TBC1D2: variants seen among roughly 807,000 people sequenced by gnomAD.
TBC1D2 encodes TBC1 domain family member 2A.
In TBC1D2, 58 loss-of-function variants were observed where a neutral mutation model predicts 91.1. The observed-to-expected ratio is 0.64, with a 90% CI of 0.52 to 0.79. TBC1D2 has a LOEUF of 0.79. Ranked by LOEUF, TBC1D2 falls within the 30% of genes least tolerant of loss-of-function variation. TBC1D2 has a pLI of 0.00. For missense variants in TBC1D2, 1,080 were observed against 1,208.3 expected, an observed-to-expected ratio of 0.89 and a Z score of 1.57; for synonymous variants, 482 against 511.5, an observed-to-expected ratio of 0.94 and a Z score of 0.78.
At chr9:98,229,200 C>G in intron 4 of TBC1D2, 52 bp from the exon 5 acceptor site, 1 of 1,564,298 alleles carries the variant, frequency 6.4e-7, no homozygotes, top group South Asian at 1.1e-5. Flanking sequence ...CAGCAGTTCT[C>G]AAACCTGAGC....
At chr9:98,233,714 C>A (rs1011006905) in intron 3 of TBC1D2, among the ~76,000 whole-genome samples, 165 bp from the exon 4 acceptor site, 1 of 152,314 alleles carries the variant, frequency 6.6e-6, no homozygotes, top group East Asian at 1.9e-4. Flanking sequence ...CCATGCATGG[C>A]ACTCCCAATC....
chr9:98,237,499 C>T (rs920797001), intron 3 of TBC1D2, among the ~76,000 whole-genome samples: 1 of 151,514 alleles, frequency 6.6e-6, no homozygotes, highest in East Asian at 1.9e-4. Flanking sequence ...AGTGCGTCTT[C>T]AAACTTTTTT....
chr9:98,243,132 G>GTA (rs1468873649), intron 3 of TBC1D2, among the ~76,000 whole-genome samples: 7 of 150,982 alleles, frequency 4.6e-5, no homozygotes, highest in Non-Finnish European at 7.4e-5. Flanking sequence ...CAATAGTAAG[G>GTA]TATATATATA....
chr9:98,201,711 C>T lies in TBC1D2; in HGVS notation c.2272-47G>A, dbSNP rs969058558. 4 of 1,559,266 alleles carry T rather than the reference C, an allele frequency of 2.6e-6. No individual in the cohort carries two copies. The African/African-American group carries it at 4.1e-5, about 16-fold the overall frequency. On this transcript the variant is annotated intron_variant, in intron 10 of 12. Transcript: ENST00000465784. ...TGTCATCTGCAGCCCCAGCGTAGGG[C>T]TGCCTCCCTCCCTGCCCAGCCTTCC...
At chr9:98,201,155 C>T (rs945748566) in intron 11 of TBC1D2, among the ~76,000 whole-genome samples, 2 of 152,070 alleles carry the variant, frequency 1.3e-5, no homozygotes, top group African/African-American at 2.4e-5. Flanking sequence ...ACCTGAGCTC[C>T]GATCTCTTAA....
Position 98,233,473 on chromosome 9 carries a change from G to A in TBC1D2, c.724C>T (p.Gln242Ter). ...TCCTCCCTCTGAGGCTCCCCACTCT[G>A]TGGAGAATCTTCCCCTGGAGGTTCA... ...GHEPPGEDSP[Q>*]SGEPQREEQP... The change falls in exon 4 of 13, where the codon CAG (glutamine) becomes TAG (stop). Residue 242 changes from glutamine (Q) to a stop codon, truncating the protein, a stop_gained. Transcript: ENST00000465784. LOFTEE classifies it high-confidence loss of function. 6.2e-7 allele frequency: 1 copy of A among 1,614,148 alleles called. No homozygotes were observed. The highest frequency in any genetic ancestry group is 8.5e-7 in the Non-Finnish European group (1 of 1,179,974).
rs1829279210 is a variant in TBC1D2 at position 98,228,134 on chromosome 9, G to T, written c.978+818C>A. Among the ~76,000 whole-genome samples the T allele has an allele frequency of 1.3e-5, 2 of 152,294 alleles. No individual in the cohort carries two copies. Among genetic ancestry groups the T allele is most frequent in the South Asian group, 4.1e-4 (2 of 4,822 alleles). ...CTTCCTCTAGAGGAAAAGGAGTCTG[G>T]GCCCTCACTGGAGCCCGCCACTGCC... On this transcript the variant is annotated intron_variant, in intron 5 of 12. Coordinates refer to ENST00000465784, the MANE Select transcript of TBC1D2 (RefSeq NM_001267571.2). This position sits in a 1 kb window ranked among gnomAD's most constrained non-coding sequence, Gnocchi z 4.0.
Position 98,208,835 on chromosome 9 carries a change from G to C in TBC1D2, c.1983C>G (p.Ala661=). ...CYQELLSRGQ[A]REHPAARQIE... is the part of the protein sequence containing the mutation. ...TCTGGCGGGCAGCAGGGTGCTCGCG[G>C]GCCTGGCCCCGGCTCAGCAGTTCCT... Residue 661 remains alanine (A), a synonymous_variant, in exon 9 of 13, where the codon GCC becomes GCG. Coordinates refer to ENST00000465784, the MANE Select transcript of TBC1D2 (RefSeq NM_001267571.2). The C allele has an allele frequency of 6.2e-7, 1 of 1,608,962 alleles. No homozygotes were observed. The highest frequency in any genetic ancestry group is 8.5e-7 in the Non-Finnish European group (1 of 1,175,852).
In TBC1D2 at chr9:98,201,577, G is replaced by A. The variant is rs773526544; in HGVS notation, c.2359C>T (p.Leu787Phe). The A allele has an allele frequency of 1.2e-6, 2 of 1,614,158 alleles. No individual in the cohort carries two copies. The highest frequency in any genetic ancestry group is 1.7e-5 in the Admixed American group (1 of 60,030). ...HLGQHHVDLS[L>F]VTFNWFLVVF... ...ACGAGGAACCAGTTGAAGGTGACGAGGGAGAGATCCACGTGGTGCTGCCCC... is the reference window on the plus strand; with the variant it reads ...ACGAGGAACCAGTTGAAGGTGACGAAGGAGAGATCCACGTGGTGCTGCCCC... Residue 787 changes from leucine (L) to phenylalanine (F), a missense_variant, in exon 11 of 13, where the codon CTC becomes TTC. By Grantham distance (22) the Leu-to-Phe change is conservative. Coordinates refer to ENST00000465784, the MANE Select transcript of TBC1D2 (RefSeq NM_001267571.2).
Position 98,232,597 on chromosome 9 carries a change from C to A in TBC1D2, c.781+819G>T, listed in dbSNP as rs906531420. Among the ~76,000 whole-genome samples, 5 of 152,172 alleles carry A rather than the reference C, an allele frequency of 3.3e-5. No individual in the cohort carries two copies. The South Asian group carries it at 1.0e-3, about 32-fold the overall frequency. On this transcript the variant is annotated intron_variant, in intron 4 of 12. Coordinates refer to ENST00000465784, the MANE Select transcript of TBC1D2 (RefSeq NM_001267571.2). ...CCTCCCAAAGTGCTGGGATTACAAG[C>A]GTGAGCCACCATGCCCAGCCTCTTC...
At chr9:98,243,708 T>A (rs1429501074) in intron 3 of TBC1D2, among the ~76,000 whole-genome samples, 2 of 152,098 alleles carry the variant, frequency 1.3e-5, no homozygotes, top group African/African-American at 4.8e-5. Context: ...GGCTAATTAC[T>A]GTATTTTTAG....
chr9:98,207,795 G>T (rs145794131), intron 9 of TBC1D2, among the ~76,000 whole-genome samples: 1 of 152,214 alleles, frequency 6.6e-6, no homozygotes, highest in Non-Finnish European at 1.5e-5. Flanking sequence ...CAGCAGAGCA[G>T]TACCTTGGTG....
chr9:98,251,980 G>A, intron 1 of TBC1D2, 54 bp from the exon 2 acceptor site: 1 of 1,550,372 alleles, frequency 6.5e-7, no homozygotes, highest in Non-Finnish European at 8.6e-7. Context: ...GGTGGCACTG[G>A]GTGCAGGAAG....
chr9:98,245,089 A>G (rs1224593304), intron 2 of TBC1D2, among the ~76,000 whole-genome samples: 1 of 151,942 alleles, frequency 6.6e-6, no homozygotes, highest in Admixed American at 6.6e-5. Context: ...AAATACAAAA[A>G]ATTAGCCAGG....
intron 7 of TBC1D2, 40 bp downstream of exon 7, chr9:98,213,068 C>T (rs1448902395): frequency 6.2e-7 from 1 of 1,609,560 alleles, no homozygotes; most frequent in Non-Finnish European, 8.5e-7. Context: ...AGCAGAGGGG[C>T]CAGGGATGGA....
At chr9:98,242,422 C>G (rs1409667223) in intron 3 of TBC1D2, among the ~76,000 whole-genome samples, 2 of 136,016 alleles carry the variant, frequency 1.5e-5, no homozygotes, top group African/African-American at 5.6e-5. Context: ...GCCCGGGCAA[C>G]AGTGCAAGAC....
Position 98,199,170 on chromosome 9 carries a change from G to C in TBC1D2, c.*211C>G. 1 of 619,188 alleles carries C rather than the reference G, an allele frequency of 1.6e-6. No homozygotes were observed. Among genetic ancestry groups the C allele is most frequent in the Admixed American group, 2.9e-5 (1 of 34,078 alleles). The allele number at this position is 619,188 out of a possible 1,614,324, so 38.4% of individuals were successfully genotyped here. ...GGTGACGAAAGGGTGGCATCCCTGG[G>C]TAAGTAAGTGCCTATGAAGAAGTAG... On this transcript the variant is annotated 3_prime_UTR_variant, in exon 13 of 13. Transcript: ENST00000465784.
intron 4 of TBC1D2, among the ~76,000 whole-genome samples, chr9:98,232,342 G>GTGTTTTTTTTTTTTTTT (rs1829390750): frequency 1.2e-5 from 1 of 86,778 alleles, no homozygotes; most frequent in East Asian, 3.1e-4. Context: ...CTCTTTTTCT[G>GTGTTTTTTTTTTTTTTT]TTTTTTTTTT....
rs1300757763 is a variant in TBC1D2 at position 98,210,830 on chromosome 9, T to G, written c.1499A>C (p.Gln500Pro). The G allele has an allele frequency of 6.4e-7, 1 of 1,551,648 alleles. No homozygotes were observed. The highest frequency in any genetic ancestry group is 2.4e-5 in the East Asian group (1 of 40,922). The change falls in exon 8 of 13, where the codon CAA becomes CCA. Residue 500 changes from glutamine to proline, a missense_variant. Coordinates refer to ENST00000465784, the MANE Select transcript of TBC1D2 (RefSeq NM_001267571.2). ...KALLTKCAYL[Q>P]ARNCQVESKY... ...GCTTTCCACCTGGCAGTTTCTGGCTTGGAGGTAGGCGCACTGCAAACAGGG... is the reference window on the plus strand; with the variant it reads ...GCTTTCCACCTGGCAGTTTCTGGCTGGGAGGTAGGCGCACTGCAAACAGGG...
Sources: gnomAD v4.1 joint callset for allele counts (sites outside exome capture counted in the v4.1 genomes callset) on GRCh38, gnomAD v4.1.1 for gene constraint, Gnocchi (gnomAD v3.1) non-coding constraint, MANE v1.5 for transcripts, NCBI Gene and HGNC (gene_info 2026-07-23, HGNC 2026-07-21) for gene names.